The following ROBO2 variants were observed in gnomAD, a reference collection of about 807,000 sequenced individuals.
ROBO2 encodes roundabout homolog 2.
ROBO2 carries 53 observed loss-of-function variants against 160.8 expected under a neutral mutation model. The observed-to-expected ratio is 0.33, with a 90% CI of 0.26 to 0.41. The LOEUF (loss-of-function observed/expected upper bound fraction) is 0.41. Among genes scored for constraint, ROBO2 ranks in the 10% least tolerant of loss-of-function variants. The pLI is 1.00. For missense variants in ROBO2, 1,577 were observed against 1,722.4 expected, an observed-to-expected ratio of 0.92 and a Z score of 1.49; for synonymous variants, 664 against 611.7, an observed-to-expected ratio of 1.09 and a Z score of -1.26.
intron 2 of ROBO2, among the ~76,000 whole-genome samples, chr3:77,277,180 C>CTT (rs59613825): frequency 8.7e-6 from 1 of 114,814 alleles, no homozygotes; most frequent in East Asian, 2.3e-4. Context: ...TTCTTTCTTT[C>CTT]TTTCTTTCTT....
chr3:76,168,545 G>A (rs1173714370), intron 2 of ROBO2, among the ~76,000 whole-genome samples: 1 of 152,034 alleles, frequency 6.6e-6, no homozygotes, highest in African/African-American at 2.4e-5. Context: ...GGAGTTTGGG[G>A]GCTACAACTT....
chr3:76,580,961 C>T (rs1037579404), intron 2 of ROBO2, among the ~76,000 whole-genome samples: 1 of 152,106 alleles, frequency 6.6e-6, no homozygotes, highest in African/African-American at 2.4e-5. Context: ...AATAGCAGAA[C>T]AGTAGTTCTG....
intron 2 of ROBO2, among the ~76,000 whole-genome samples, chr3:76,303,300 A>T (rs1428003942): frequency 1.3e-5 from 2 of 152,060 alleles, no homozygotes; most frequent in African/African-American, 4.8e-5. Context: ...TTTTCGTATG[A>T]ATTCTAAAAA....
intron 2 of ROBO2, among the ~76,000 whole-genome samples, chr3:76,036,665 C>T (rs2067119710): frequency 6.7e-6 from 1 of 150,350 alleles, no homozygotes; most frequent in South Asian, 2.1e-4. Flanking sequence ...CCACCGTACC[C>T]AGCTAATTTT....
chr3:77,066,962 C>A (rs1483077514), intron 1 of ROBO2, among the ~76,000 whole-genome samples: 1 of 151,276 alleles, frequency 6.6e-6, no homozygotes, highest in African/African-American at 2.4e-5. Context: ...AGAAAAGATT[C>A]TTTTCCCCTC....
At chr3:76,788,652 T>C (rs1261918082) in intron 2 of ROBO2, among the ~76,000 whole-genome samples, 1 of 151,622 alleles carries the variant, frequency 6.6e-6, no homozygotes, top group East Asian at 1.9e-4. Context: ...CAGGCATGGC[T>C]TTATAATAAC....
intron 2 of ROBO2, among the ~76,000 whole-genome samples, chr3:76,622,311 A>AAAG (rs2089274676): frequency 6.2e-5 from 7 of 112,656 alleles, no homozygotes; most frequent in East Asian, 2.7e-4. Flanking sequence ...AGAAAGAAAG[A>AAAG]AAACATAGCC....
intron 2 of ROBO2, among the ~76,000 whole-genome samples, chr3:76,768,687 T>G (rs992023340): frequency 6.6e-6 from 1 of 150,790 alleles, no homozygotes; most frequent in Non-Finnish European, 1.5e-5. Context: ...TTAGTTTAAA[T>G]TAACAATTAT....
chr3:76,221,355 T>C (rs71195253), intron 2 of ROBO2, among the ~76,000 whole-genome samples: 14,500 of 85,084 alleles, frequency 0.17, 3,597 homozygotes, highest in Middle Eastern at 0.28. Flanking sequence ...TGATGGTGAG[T>C]AGTGCCACTC....
intron 2 of ROBO2, among the ~76,000 whole-genome samples, chr3:76,462,905 G>A (rs2078162875): frequency 1.3e-5 from 2 of 151,990 alleles, no homozygotes. Flanking sequence ...TCCCTCTTTG[G>A]GCAAATTTTA....
At chr3:75,954,208 T>G (rs1015509742) in intron 2 of ROBO2, among the ~76,000 whole-genome samples, 2 of 151,858 alleles carry the variant, frequency 1.3e-5, no homozygotes, top group African/African-American at 4.8e-5. Flanking sequence ...CTTCTCTGTA[T>G]TTGTTCCATT....
chr3:76,512,308 T>TTATA (rs200138101), intron 2 of ROBO2, among the ~76,000 whole-genome samples: 5 of 120,636 alleles, frequency 4.1e-5, no homozygotes, highest in African/African-American at 1.4e-4. Context: ...TTGCAGAAAT[T>TTATA]TATATATATA....
chr3:76,757,868 T>G (rs1224325205), intron 2 of ROBO2, among the ~76,000 whole-genome samples: 1 of 151,528 alleles, frequency 6.6e-6, no homozygotes, highest in Admixed American at 6.6e-5. Context: ...AGTTTTCATC[T>G]CTTTATCTAG....
At chr3:76,985,320 C>T (rs2060312547) in intron 2 of ROBO2, among the ~76,000 whole-genome samples, 1 of 151,912 alleles carries the variant, frequency 6.6e-6, no homozygotes, top group Non-Finnish European at 1.5e-5. Flanking sequence ...CGGTGGCTCA[C>T]ACCTGTAATC....
chr3:75,950,756 G>T (rs1291691123), intron 2 of ROBO2, among the ~76,000 whole-genome samples: 3 of 151,874 alleles, frequency 2.0e-5, no homozygotes, highest in African/African-American at 7.3e-5. Flanking sequence ...ACTTCCCAAG[G>T]CTGTGCATGT....
At chr3:77,232,519 G>A (rs1403469495) in intron 2 of ROBO2, among the ~76,000 whole-genome samples, 5 of 152,184 alleles carry the variant, frequency 3.3e-5, no homozygotes, top group African/African-American at 1.2e-4. Context: ...GAGACCATGA[G>A]TTAACTGTTT....
intron 2 of ROBO2, among the ~76,000 whole-genome samples, chr3:76,694,659 A>G (rs1000970453): frequency 2.0e-5 from 3 of 152,126 alleles, no homozygotes; most frequent in Non-Finnish European, 4.4e-5. Context: ...TTTAATTTTG[A>G]AATGTACTTT....
intron 2 of ROBO2, among the ~76,000 whole-genome samples, chr3:76,304,648 G>C (rs2071230553): frequency 6.6e-6 from 1 of 152,154 alleles, no homozygotes; most frequent in Non-Finnish European, 1.5e-5. Flanking sequence ...AGTAGTTAGA[G>C]AGTCACACAG....
intron 2 of ROBO2, among the ~76,000 whole-genome samples, chr3:77,258,372 T>C (rs2058557299): frequency 6.6e-6 from 1 of 152,326 alleles, no homozygotes; most frequent in South Asian, 2.1e-4. Context: ...TGTTACTTTT[T>C]ACCTAATTGT....
Sources: allele counts gnomAD v4.1 joint callset (sites outside exome capture counted in the v4.1 genomes callset), GRCh38; gene constraint gnomAD v4.1.1; transcripts MANE v1.5; gene names NCBI Gene and HGNC (gene_info 2026-07-23, HGNC 2026-07-21).